DPYSL2: variants seen among roughly 807,000 people sequenced by gnomAD.
DPYSL2 encodes dihydropyrimidinase-related protein 2.
In DPYSL2, 13 loss-of-function variants were observed where a neutral mutation model predicts 69.9. That is an observed-to-expected ratio of 0.19 (90% CI 0.12 to 0.30). DPYSL2 has a LOEUF of 0.30. Ranked by LOEUF, DPYSL2 falls within the 10% of genes least tolerant of loss-of-function variation. The pLI, the probability that DPYSL2 is intolerant of heterozygous loss-of-function variation, is 1.00. For synonymous variants in DPYSL2, 326 were observed against 359.1 expected, an observed-to-expected ratio of 0.91 and a Z score of 1.04; for missense variants, 587 against 918.9, an observed-to-expected ratio of 0.64 and a Z score of 4.67.
intron 1 of DPYSL2, among the ~76,000 whole-genome samples, chr8:26,549,520 G>A (rs918745355): frequency 6.6e-6 from 1 of 152,108 alleles, no homozygotes; most frequent in Non-Finnish European, 1.5e-5. Context: ...CATAATGACT[G>A]CGAATTTCTC....
chr8:26,541,781 C>T (rs1800687756), intron 1 of DPYSL2, among the ~76,000 whole-genome samples: 1 of 151,140 alleles, frequency 6.6e-6, no homozygotes, highest in Admixed American at 6.6e-5. Context: ...TATCTAATAG[C>T]AAAGAAAAAA....
intron 3 of DPYSL2, among the ~76,000 whole-genome samples, chr8:26,611,800 A>G (rs971533294): frequency 6.6e-6 from 1 of 152,178 alleles, no homozygotes; most frequent in Non-Finnish European, 1.5e-5. Flanking sequence ...GAACATAAAC[A>G]TGGAGCTGAG....
intron 1 of DPYSL2, chr8:26,577,700 C>T: frequency 1.5e-6 from 1 of 664,646 alleles, no homozygotes; most frequent in Non-Finnish European, 1.9e-6. Flanking sequence ...ACCGCCCCGG[C>T]CCGAAGAAAG....
At position 26,643,169 on chromosome 8, in the gene DPYSL2, A is replaced by G; in HGVS notation, c.1127-270A>G. On this transcript the variant is annotated intron_variant, in intron 8 of 13. Coordinates refer to ENST00000521913, the MANE Select transcript of DPYSL2 (RefSeq NM_001197293.3). The surrounding 1 kb of genome is among the most constrained non-coding windows in gnomAD (Gnocchi z 6.5). The stretch of plus-strand genomic sequence containing the variant: ...GAAAATCAGCAACGTAGGAGACAGA[A>G]GCCTTCAGGATGTCTGGGATCCTAT... 2.6e-6 allele frequency: 1 copy of G among 384,562 alleles called. No individual in the cohort carries two copies. Among genetic ancestry groups the G allele is most frequent in the East Asian group, 4.5e-5 (1 of 22,058 alleles). The allele number at this position is 384,562 out of a possible 1,614,324, so 23.8% of individuals were successfully genotyped here. A position where few individuals can be genotyped will look rare whatever the true frequency, so the allele number is the denominator to read the frequency against.
chr8:26,578,017 C>T (rs199612314), intron 1 of DPYSL2: 2 of 976,392 alleles, frequency 2.0e-6, no homozygotes, highest in Middle Eastern at 3.8e-4. Context: ...CTCTCTCTCT[C>T]TTTTTTTTCC....
intron 1 of DPYSL2, among the ~76,000 whole-genome samples, chr8:26,566,854 A>G (rs1258295370): frequency 6.6e-6 from 1 of 151,998 alleles, no homozygotes; most frequent in African/African-American, 2.4e-5. Flanking sequence ...GCACCCGCCT[A>G]CCCACCCATC....
rs1801725048 is a variant in DPYSL2, at chr8:26,591,488, A to G, written c.628+7505A>G. Among the ~76,000 whole-genome samples the G allele has an allele frequency of 6.6e-6, 1 of 151,960 alleles. No individual in the cohort carries two copies. Among genetic ancestry groups the G allele is most frequent in the South Asian group, 2.1e-4 (1 of 4,816 alleles). On this transcript the variant is annotated intron_variant, in intron 3 of 13. Coordinates refer to ENST00000521913, the MANE Select transcript of DPYSL2 (RefSeq NM_001197293.3). This position sits in a 1 kb window ranked among gnomAD's most constrained non-coding sequence, Gnocchi z 5.8. ...TGAGGACAGCGATCGTGGCCTCTCC[A>G]TTTTCCTAAGGCCCCTGCATGCCTG... is the stretch of plus-strand genomic sequence containing the variant.
intron 1 of DPYSL2, among the ~76,000 whole-genome samples, chr8:26,553,898 C>CT (rs35594312): frequency 0.61 from 71,939 of 117,036 alleles, 23,489 homozygotes; most frequent in East Asian, 0.88. Context: ...TATTTTTGGG[C>CT]TTTTTTTTTT....
At chr8:26,581,648 A>G (rs1257182253) in intron 1 of DPYSL2, among the ~76,000 whole-genome samples, 3 of 152,046 alleles carry the variant, frequency 2.0e-5, no homozygotes, top group African/African-American at 7.2e-5. Context: ...TGCTGGGATT[A>G]CAGGCATGAG....
Position 26,531,654 on chromosome 8 carries a change from A to G in DPYSL2, c.354+16975A>G, listed in dbSNP as rs543459764. Among the ~76,000 whole-genome samples the G allele has an allele frequency of 5.7e-4, 87 of 152,356 alleles. 1 individual carries two copies. Among genetic ancestry groups the G allele is most frequent in the Admixed American group, 2.6e-4 (4 of 15,306 alleles). On this transcript the variant is annotated intron_variant, in intron 1 of 13. Coordinates refer to ENST00000521913, the MANE Select transcript of DPYSL2 (RefSeq NM_001197293.3). ...AGCATTGTTCACACTGGCCCAGAGG[A>G]CTGGTGAAAGTACAGGGCCTGGTAT...
intron 7 of DPYSL2, 148 bp from the exon 8 acceptor site, chr8:26,634,632 T>C: frequency 7.4e-7 from 1 of 1,358,328 alleles, no homozygotes; most frequent in South Asian, 1.4e-5. Context: ...ACAAGGCAAG[T>C]CATACTCCTT....
rs1026898553 is a variant in DPYSL2 at position 26,621,589 on chromosome 8, G to A, written c.629-2554G>A. ...GAGGGAGTTTACATTCTAGTCAGGG[G>A]TCAGAGAGTAAATGAGTGAAATGGA... On this transcript the variant is annotated intron_variant, in intron 3 of 13. Coordinates refer to ENST00000521913, the MANE Select transcript of DPYSL2 (RefSeq NM_001197293.3). The surrounding 1 kb of genome is among the most constrained non-coding windows in gnomAD (Gnocchi z 4.9). 6.6e-6 allele frequency among the ~76,000 whole-genome samples: 1 copy of A among 152,210 alleles called. No individual in the cohort carries two copies. The highest frequency in any genetic ancestry group is 1.5e-5 in the Non-Finnish European group (1 of 68,046).
chr8:26,578,019 T>G, intron 1 of DPYSL2: 2 of 1,351,444 alleles, frequency 1.5e-6, no homozygotes, highest in East Asian at 5.8e-5. Flanking sequence ...CTCTCTCTCT[T>G]TTTTTTCCGC....
chr8:26,540,306 A>C (rs1031315510), intron 1 of DPYSL2, among the ~76,000 whole-genome samples: 1 of 152,244 alleles, frequency 6.6e-6, no homozygotes, highest in African/African-American at 2.4e-5. Flanking sequence ...CAGGCCATTT[A>C]ATACTATTTA....
intron 3 of DPYSL2, among the ~76,000 whole-genome samples, chr8:26,612,311 A>T (rs1045631115): frequency 6.6e-6 from 1 of 152,260 alleles, no homozygotes; most frequent in East Asian, 1.9e-4. Context: ...ACCATAGTTC[A>T]TCCAGTCATC....
At chr8:26,546,076 T>C (rs60946900) in intron 1 of DPYSL2, among the ~76,000 whole-genome samples, 10,554 of 152,288 alleles carry the variant, frequency 0.069, 394 homozygotes, top group South Asian at 0.12. Context: ...ATAGATCCAG[T>C]TGGGAAGAAC....
intron 7 of DPYSL2, among the ~76,000 whole-genome samples, chr8:26,628,804 T>C (rs999772): frequency 0.65 from 98,859 of 152,050 alleles, 33,850 homozygotes; most frequent in Non-Finnish European, 0.76. Flanking sequence ...TCCAGAAGCC[T>C]GGGAGGGAGG....
chr8:26,514,125 A>C lies in DPYSL2; in HGVS notation c.-201A>C, dbSNP rs1808228178. 5 of 399,126 alleles carry C rather than the reference A, an allele frequency of 1.3e-5. No individual in the cohort carries two copies. Among genetic ancestry groups the C allele is most frequent in the Non-Finnish European group, 1.7e-5 (4 of 230,352 alleles). 24.7% of individuals were successfully genotyped at this position (399,126 alleles called of 1,614,324 possible). ...GTAGCCGCGGGGGGCGTGGGCAGGGAGGGGAGAAGCGGGGTCAGGGGGAGG... is the reference window on the plus strand; with the variant it reads ...GTAGCCGCGGGGGGCGTGGGCAGGGCGGGGAGAAGCGGGGTCAGGGGGAGG... On this transcript the variant is annotated 5_prime_UTR_variant, in exon 1 of 14. Coordinates refer to ENST00000521913, the MANE Select transcript of DPYSL2 (RefSeq NM_001197293.3). This position sits in a 1 kb window ranked among gnomAD's most constrained non-coding sequence, Gnocchi z 8.4.
intron 1 of DPYSL2, among the ~76,000 whole-genome samples, chr8:26,554,593 T>C (rs1800915654): frequency 6.6e-6 from 1 of 152,194 alleles, no homozygotes; most frequent in Admixed American, 6.5e-5. Context: ...TCTTTGCCCG[T>C]TCCTATGTCC....
Sources: gnomAD v4.1 joint callset for allele counts (sites outside exome capture counted in the v4.1 genomes callset) on GRCh38, gnomAD v4.1.1 for gene constraint, Gnocchi (gnomAD v3.1) non-coding constraint, MANE v1.5 for transcripts, NCBI Gene and HGNC (gene_info 2026-07-23, HGNC 2026-07-21) for gene names.